The following KCNMA1 variants were observed in gnomAD, a reference collection of about 807,000 sequenced individuals.
KCNMA1 encodes the protein Calcium-activated potassium channel subunit alpha-1.
In KCNMA1, 29 loss-of-function variants were observed where a neutral mutation model predicts 140.0. The ratio of observed to expected loss-of-function variants is 0.21; its 90% confidence interval spans 0.15 to 0.28. The LOEUF is 0.28. Among genes scored for constraint, KCNMA1 ranks in the 10% least tolerant of loss-of-function variants. The probability of loss-of-function intolerance (pLI) is 1.00; values close to 1 mark genes in which losing one functional copy is unlikely to be tolerated. For synonymous variants in KCNMA1, 612 were observed against 611.9 expected (o/e 1.00, Z 0.00); for missense variants, 880 against 1,602.2 (o/e 0.55, Z 7.70).
chr10:77,429,766 A>G (rs535464012), intron 1 of KCNMA1, among the ~76,000 whole-genome samples: 12 of 152,270 alleles, frequency 7.9e-5, no homozygotes, highest in African/African-American at 2.6e-4. Context: ...TGTTCCAAAG[A>G]ATATTGTGAT....
chr10:77,286,841 T>C (rs1265194848), intron 2 of KCNMA1, among the ~76,000 whole-genome samples: 1 of 151,970 alleles, frequency 6.6e-6, no homozygotes, highest in Non-Finnish European at 1.5e-5. Flanking sequence ...GAGGTTGAGT[T>C]TCTAAGCTGA....
At chr10:77,086,319 C>T (rs73290372) in intron 11 of KCNMA1, among the ~76,000 whole-genome samples, 169 bp downstream of exon 11, 1 of 152,136 alleles carries the variant, frequency 6.6e-6, no homozygotes, top group East Asian at 1.9e-4. Flanking sequence ...GGTCCTGGGA[C>T]CAGTGGAAGG....
In KCNMA1 at chr10:77,355,294, G is replaced by A. The variant is rs547004560; in HGVS notation, c.540+48568C>T. ...ATGTCTTTATCAGCAGTGTGAAAAC[G>A]GACTAATATAGCATCCGTTGTCCAC... On this transcript the variant is annotated intron_variant, in intron 2 of 27. Coordinates refer to ENST00000286628, the MANE Select transcript of KCNMA1 (RefSeq NM_001161352.2). The A allele has an allele frequency of 3.3e-4, 50 of 153,812 alleles. No individual in the cohort carries two copies. In the South Asian group the frequency reaches 4.5e-3, roughly 14 times the overall value. The allele number at this position is 153,812 out of a possible 1,614,324, so 9.5% of individuals were successfully genotyped here.
chr10:77,084,837 T>A, intron 11 of KCNMA1, 118 bp from the exon 12 acceptor site: 1 of 718,680 alleles, frequency 1.4e-6, no homozygotes, highest in Non-Finnish European at 2.4e-6. Context: ...AAAAAAACAA[T>A]CCTGAGAGCC....
chr10:77,182,393 A>C (rs142428235), intron 5 of KCNMA1, among the ~76,000 whole-genome samples: 7 of 152,350 alleles, frequency 4.6e-5, no homozygotes, highest in African/African-American at 1.4e-4. Flanking sequence ...ATGATTAGTT[A>C]GGAAGCCAAA....
At chr10:77,604,787 G>T (rs1035018264) in intron 1 of KCNMA1, among the ~76,000 whole-genome samples, 1 of 152,028 alleles carries the variant, frequency 6.6e-6, no homozygotes, top group East Asian at 1.9e-4. Context: ...CCTTCCTAAA[G>T]ATTAGTAGAC....
chr10:77,109,299 C>A (rs1229167341), intron 8 of KCNMA1, among the ~76,000 whole-genome samples: 2 of 152,060 alleles, frequency 1.3e-5, no homozygotes, highest in Non-Finnish European at 2.9e-5. Flanking sequence ...CCTATGCATA[C>A]AAAACAGAGA....
intron 14 of KCNMA1, among the ~76,000 whole-genome samples, chr10:77,067,714 AG>A (rs1362219389): frequency 1.3e-5 from 2 of 152,196 alleles, no homozygotes; most frequent in Non-Finnish European, 2.9e-5. Flanking sequence ...AGCCCAGCCT[AG>A]GGTAACTGTT....
At chr10:77,072,066 C>G (rs1296431695) in intron 14 of KCNMA1, among the ~76,000 whole-genome samples, 2 of 152,150 alleles carry the variant, frequency 1.3e-5, no homozygotes, top group Non-Finnish European at 2.9e-5. Flanking sequence ...AGGTCTCATA[C>G]CTTTGATTGC....
intron 1 of KCNMA1, among the ~76,000 whole-genome samples, chr10:77,440,994 GT>G (rs34419689): frequency 1.3e-5 from 2 of 149,566 alleles, no homozygotes; most frequent in African/African-American, 2.5e-5. Context: ...AATTTTTTCT[GT>G]TTTTTTTTCA....
At chr10:76,945,752 G>T (rs984371941) in intron 22 of KCNMA1, among the ~76,000 whole-genome samples, 6 of 150,728 alleles carry the variant, frequency 4.0e-5, no homozygotes, top group African/African-American at 1.5e-4. Context: ...GATAGAGGGG[G>T]AAGTGAAAAA....
chr10:77,341,432 A>G (rs1366821702), intron 2 of KCNMA1, among the ~76,000 whole-genome samples: 3 of 151,926 alleles, frequency 2.0e-5, no homozygotes, highest in Admixed American at 6.6e-5. Context: ...ATCTCTCTGC[A>G]TGTGTCTCCA....
intron 1 of KCNMA1, among the ~76,000 whole-genome samples, chr10:77,412,215 G>A (rs1252847405): frequency 1.3e-5 from 2 of 152,218 alleles, no homozygotes; most frequent in African/African-American, 2.4e-5. Flanking sequence ...CCAGAGGGCT[G>A]TGAGAGAAGG....
In KCNMA1 at chr10:76,960,856, T is replaced by C. The variant is rs112738607; in HGVS notation, c.2361-6932A>G. On this transcript the variant is annotated intron_variant, in intron 20 of 27. Coordinates refer to ENST00000286628, the MANE Select transcript of KCNMA1 (RefSeq NM_001161352.2). ...TGTTTACAGCATGATCTACTGAATA[T>C]TTTAATCCTGCTGTTGAGACCTACT... is the stretch of plus-strand genomic sequence containing the variant. Among the ~76,000 whole-genome samples, 602 of 152,098 alleles carry C rather than the reference T, an allele frequency of 4.0e-3. 5 individuals carry two copies. The highest frequency in any genetic ancestry group is 0.014 in the African/African-American group (580 of 41,498).
intron 19 of KCNMA1, among the ~76,000 whole-genome samples, chr10:77,000,006 G>A (rs1307438400): frequency 6.6e-6 from 1 of 152,172 alleles, no homozygotes; most frequent in South Asian, 2.1e-4. Context: ...CTACACAGCC[G>A]CACTCTGCTG....
chr10:77,526,325 C>T (rs2055645952), intron 1 of KCNMA1, among the ~76,000 whole-genome samples: 2 of 152,162 alleles, frequency 1.3e-5, no homozygotes, highest in South Asian at 4.1e-4. Context: ...TAATCAAAAG[C>T]ATCTAACTAA....
chr10:77,137,076 CAG>C lies in KCNMA1; in HGVS notation c.809-16030_809-16029del, dbSNP rs146899079. 8.0e-3 allele frequency among the ~76,000 whole-genome samples: 1,219 copies of C among 152,234 alleles called. 15 individuals carry two copies. The highest frequency in any genetic ancestry group is 0.028 in the African/African-American group (1,162 of 41,538). On this transcript the variant is annotated intron_variant, in intron 5 of 27. Transcript: ENST00000286628. ...CTTGAACTCCCTTCTCAGATAAAAG[CAG>C]AGTTACTGTACTGACAGAAATTGAG...
intron 1 of KCNMA1, among the ~76,000 whole-genome samples, chr10:77,467,359 C>T (rs962858355): frequency 6.6e-6 from 1 of 152,166 alleles, no homozygotes; most frequent in African/African-American, 2.4e-5. Context: ...AGTCCGTCTC[C>T]GAAGCAGTTG....
chr10:77,218,344 A>C (rs2048463794), intron 3 of KCNMA1, among the ~76,000 whole-genome samples: 1 of 152,196 alleles, frequency 6.6e-6, no homozygotes, highest in Admixed American at 6.5e-5. Flanking sequence ...TTAAAAATCA[A>C]GTGTTACATT....
Sources: allele counts gnomAD v4.1 joint callset (sites outside exome capture counted in the v4.1 genomes callset), GRCh38; gene constraint gnomAD v4.1.1; transcripts MANE v1.5; gene names NCBI Gene and HGNC (gene_info 2026-07-23, HGNC 2026-07-21).